STK3: variants seen among roughly 807,000 people sequenced by gnomAD.
STK3 encodes serine/threonine kinase 3.
Under a neutral mutation model 58.0 loss-of-function variants are expected in STK3, and 41 were observed. The ratio of observed to expected loss-of-function variants is 0.71; its 90% confidence interval spans 0.55 to 0.92. The LOEUF is 0.92. STK3 is among the 40% of genes least tolerant of loss of function. The pLI is 0.00. For synonymous variants in STK3, 170 were observed against 191.0 expected (o/e 0.89, Z 0.91); for missense variants, 479 against 602.7 (o/e 0.79, Z 2.15).
intron 9 of STK3, among the ~76,000 whole-genome samples, chr8:98,535,263 T>C (rs1006262480): frequency 2.0e-5 from 3 of 152,158 alleles, no homozygotes; most frequent in Non-Finnish European, 2.9e-5. Flanking sequence ...TATTTCTAGA[T>C]AGCATTCTTT....
chr8:98,555,682 T>C (rs1811535004), intron 8 of STK3, among the ~76,000 whole-genome samples: 2 of 152,116 alleles, frequency 1.3e-5, no homozygotes, highest in African/African-American at 4.8e-5. Context: ...AAATATATAC[T>C]TGAAACAATT....
downstream of STK3, among the ~76,000 whole-genome samples, chr8:98,370,997 A>G (rs753109058): frequency 6.6e-6 from 1 of 152,240 alleles, no homozygotes; most frequent in Non-Finnish European, 1.5e-5. Flanking sequence ...ATATTTTAGG[A>G]AAGAGATTGG....
chr8:98,697,850 G>A (rs988961109), intron 6 of STK3, among the ~76,000 whole-genome samples: 15 of 152,182 alleles, frequency 9.9e-5, no homozygotes, highest in African/African-American at 3.4e-4. Flanking sequence ...TTGATTTGGG[G>A]TGGAGAGTTC....
At chr8:98,780,202 C>T (rs1053230222) in intron 1 of STK3, among the ~76,000 whole-genome samples, 1 of 151,542 alleles carries the variant, frequency 6.6e-6, no homozygotes, top group Admixed American at 6.6e-5. Context: ...TATACATATA[C>T]ACTGATTTCA....
At chr8:98,635,061 A>AG (rs1451166346) in intron 6 of STK3, among the ~76,000 whole-genome samples, 1 of 152,072 alleles carries the variant, frequency 6.6e-6, no homozygotes, top group Admixed American at 6.6e-5. Flanking sequence ...GATGGGTAGG[A>AG]GAAAAAAAAA....
intron 3 of STK3, among the ~76,000 whole-genome samples, chr8:98,759,652 A>G (rs2131402193): frequency 6.6e-6 from 1 of 152,266 alleles, no homozygotes; most frequent in East Asian, 1.9e-4. Flanking sequence ...AAAAAAAAAA[A>G]TGCAGCATCT....
At chr8:98,598,650 G>A (rs981477441) in intron 6 of STK3, 1 of 985,176 alleles carries the variant, frequency 1.0e-6, no homozygotes, top group African/African-American at 1.7e-5. Flanking sequence ...GAAAGTTTTG[G>A]CAATCAGTGG....
chr8:98,344,358 TACAA>T, the STK3 span, among the ~76,000 whole-genome samples: 1 of 152,156 alleles, frequency 6.6e-6, no homozygotes, highest in Non-Finnish European at 1.5e-5. Context: ...GCAAAAGAAA[TACAA>T]ACATTTACCT....
upstream of STK3, among the ~76,000 whole-genome samples, chr8:98,389,681 C>T (rs780893676): frequency 6.6e-6 from 1 of 151,098 alleles, no homozygotes. Flanking sequence ...AGCTTCCTGT[C>T]ACATATCTCC....
intron 1 of STK3, among the ~76,000 whole-genome samples, chr8:98,795,796 A>AAATACAATACAATACAATACGATAC (rs1833123449): frequency 7.2e-6 from 1 of 138,012 alleles, no homozygotes; most frequent in Non-Finnish European, 1.6e-5. Context: ...AATGGCCACA[A>AAATACAATACAATACAATACGATAC]AATACAATAC....
intron 4 of STK3, among the ~76,000 whole-genome samples, chr8:98,714,279 G>A (rs1826805262): frequency 6.6e-6 from 1 of 152,156 alleles, no homozygotes; most frequent in South Asian, 2.1e-4. Context: ...GTTCTGGTCA[G>A]GGCAATTAGG....
At chr8:98,371,963 T>A (rs2130990023) in intron 2 of STK3, among the ~76,000 whole-genome samples, 1 of 152,210 alleles carries the variant, frequency 6.6e-6, no homozygotes, top group South Asian at 2.1e-4. Flanking sequence ...TAAGATAAAG[T>A]CATACTGAGT....
chr8:98,859,392 A>G (rs1237259319), intron 3 of STK3, among the ~76,000 whole-genome samples: 1 of 152,218 alleles, frequency 6.6e-6, no homozygotes, highest in African/African-American at 2.4e-5. Flanking sequence ...ACAGCAGACA[A>G]TTTTGGCCTA....
chr8:98,464,183 A>G (rs1820238977), intron 10 of STK3, among the ~76,000 whole-genome samples: 1 of 152,184 alleles, frequency 6.6e-6, no homozygotes. Flanking sequence ...AATGGCTAAC[A>G]ACAAGAATTT....
intron 6 of STK3, among the ~76,000 whole-genome samples, chr8:98,602,878 A>T (rs1450127118): frequency 5.0e-5 from 1 of 20,032 alleles, no homozygotes; most frequent in African/African-American, 9.8e-4. Flanking sequence ...CAAATAACTA[A>T]AAAAAAAAAA....
At chr8:98,366,963 A>G (rs139292431), downstream of STK3, among the ~76,000 whole-genome samples, 1 of 152,330 alleles carries the variant, frequency 6.6e-6, no homozygotes, top group East Asian at 1.9e-4. Flanking sequence ...GCCAATCCGG[A>G]CATCAAGGCT....
chr8:98,559,609 T>A (rs2131626108), intron 8 of STK3, among the ~76,000 whole-genome samples: 1 of 152,228 alleles, frequency 6.6e-6, no homozygotes, highest in Admixed American at 6.5e-5. Flanking sequence ...TTGCCTGAGT[T>A]CTCCCTTGGG....
chr8:98,630,643 A>G (rs1022788619), intron 6 of STK3, among the ~76,000 whole-genome samples: 3 of 148,016 alleles, frequency 2.0e-5, no homozygotes, highest in African/African-American at 5.0e-5. Context: ...ACAGAAGAAG[A>G]AGGAGAAGGA....
At chr8:98,909,382 G>A (rs751868306) in intron 1 of STK3, among the ~76,000 whole-genome samples, 28 of 152,036 alleles carry the variant, frequency 1.8e-4, no homozygotes, top group Non-Finnish European at 3.4e-4. Context: ...ACTCACAAAC[G>A]TAAAGTGTAC....
Sources: allele counts gnomAD v4.1 joint callset (sites outside exome capture counted in the v4.1 genomes callset), GRCh38; gene constraint gnomAD v4.1.1; transcripts MANE v1.5; gene names NCBI Gene and HGNC (gene_info 2026-07-23, HGNC 2026-07-21).